Variants in ATG10 observed in about 807,000 individuals in gnomAD.
The protein encoded by ATG10 is ubiquitin-like-conjugating enzyme ATG10.
In ATG10, 30 loss-of-function variants were observed where a neutral mutation model predicts 32.1. The ratio of observed to expected loss-of-function variants is 0.94; its 90% confidence interval spans 0.70 to 1.27. ATG10 has a LOEUF of 1.27. ATG10 is among the 50% of genes most tolerant of loss of function. The pLI is 0.00. For synonymous variants in ATG10, 87 were observed against 91.5 expected, an observed-to-expected ratio of 0.95 and a Z score of 0.28; for missense variants, 233 against 262.3, an observed-to-expected ratio of 0.89 and a Z score of 0.77.
At chr5:82,020,085 T>C (rs898253415) in intron 2 of ATG10, among the ~76,000 whole-genome samples, 13 of 152,172 alleles carry the variant, frequency 8.5e-5, no homozygotes, top group African/African-American at 2.9e-4. Flanking sequence ...TGGAGAGATA[T>C]TGACAACCAG....
chr5:81,993,368 CTT>C (rs757489564), intron 2 of ATG10, among the ~76,000 whole-genome samples: 493 of 41,690 alleles, frequency 0.012, 30 homozygotes, highest in East Asian at 0.063. Flanking sequence ...TCCTTCTTTT[CTT>C]TTCTTTTCTT....
chr5:82,054,810 G>A (rs1311640398), intron 2 of ATG10, among the ~76,000 whole-genome samples: 2 of 152,186 alleles, frequency 1.3e-5, no homozygotes, highest in Non-Finnish European at 2.9e-5. Flanking sequence ...CTTAGAGGAT[G>A]GAGGCCTAGG....
intron 3 of ATG10, among the ~76,000 whole-genome samples, chr5:82,114,639 T>C (rs975084789): frequency 6.6e-6 from 1 of 152,044 alleles, no homozygotes; most frequent in African/African-American, 2.4e-5. Context: ...GCTGTTGGTC[T>C]CCCTTCTTGA....
At chr5:82,113,744 A>T (rs1765690321) in intron 3 of ATG10, among the ~76,000 whole-genome samples, 2 of 152,010 alleles carry the variant, frequency 1.3e-5, no homozygotes, top group African/African-American at 4.8e-5. Flanking sequence ...TTGTTTGATT[A>T]TCAGTGAAGC....
At chr5:82,071,667 G>C (rs1214049650) in intron 3 of ATG10, among the ~76,000 whole-genome samples, 3 of 152,106 alleles carry the variant, frequency 2.0e-5, no homozygotes, top group African/African-American at 7.2e-5. Context: ...GTGGTGGGAA[G>C]CAAGAGGGGC....
chr5:82,242,352 A>T (rs1323027234), intron 5 of ATG10, among the ~76,000 whole-genome samples: 1 of 152,134 alleles, frequency 6.6e-6, no homozygotes, highest in Non-Finnish European at 1.5e-5. Flanking sequence ...AGAAATAGTA[A>T]ATATGATAAC....
intron 5 of ATG10, among the ~76,000 whole-genome samples, chr5:82,226,731 G>A (rs1746148660): frequency 6.6e-6 from 1 of 152,140 alleles, no homozygotes; most frequent in Non-Finnish European, 1.5e-5. Context: ...TAATAGAAAT[G>A]CAAATAAAGA....
At chr5:82,087,615 G>T (rs1255041119) in intron 3 of ATG10, among the ~76,000 whole-genome samples, 2 of 152,068 alleles carry the variant, frequency 1.3e-5, no homozygotes, top group Non-Finnish European at 2.9e-5. Flanking sequence ...TGATATAGTG[G>T]TGAACCTGAC....
At chr5:82,161,333 G>T (rs1432023164) in intron 3 of ATG10, among the ~76,000 whole-genome samples, 1 of 152,146 alleles carries the variant, frequency 6.6e-6, no homozygotes, top group Non-Finnish European at 1.5e-5. Flanking sequence ...TCAGCTGCCA[G>T]TGAGAACAGT....
chr5:81,995,513 G>T (rs1304385280), intron 2 of ATG10, among the ~76,000 whole-genome samples: 1 of 151,984 alleles, frequency 6.6e-6, no homozygotes, highest in African/African-American at 2.4e-5. Flanking sequence ...TATCAATCGA[G>T]GCAAAAGATT....
At chr5:82,150,115 A>G (rs1031009574) in intron 3 of ATG10, among the ~76,000 whole-genome samples, 1 of 152,134 alleles carries the variant, frequency 6.6e-6, no homozygotes, top group African/African-American at 2.4e-5. Flanking sequence ...CTCTAAAAAC[A>G]TCTGCTCAGT....
intron 5 of ATG10, among the ~76,000 whole-genome samples, chr5:82,248,452 A>G (rs1240280804): frequency 6.6e-6 from 1 of 152,152 alleles, no homozygotes; most frequent in Non-Finnish European, 1.5e-5. Context: ...GTCTGGGGAC[A>G]TTGGGGAAGA....
At chr5:82,001,250 A>G (rs924036131) in intron 2 of ATG10, among the ~76,000 whole-genome samples, 8 of 152,178 alleles carry the variant, frequency 5.3e-5, no homozygotes, top group Non-Finnish European at 8.8e-5. Flanking sequence ...TCAGTCTACT[A>G]TCTTCCTATC....
intron 2 of ATG10, among the ~76,000 whole-genome samples, chr5:82,027,101 A>AATAT (rs1279120095): frequency 4.6e-5 from 7 of 151,630 alleles, no homozygotes; most frequent in African/African-American, 1.5e-4. Context: ...TAAATAAATA[A>AATAT]ATAAATAAAT....
chr5:81,983,399 G>A (rs1761127911), intron 1 of ATG10, among the ~76,000 whole-genome samples: 1 of 145,912 alleles, frequency 6.9e-6, no homozygotes, highest in South Asian at 2.2e-4. Flanking sequence ...GGGGTGGCTG[G>A]CCAGGCGGGG....
intron 2 of ATG10, among the ~76,000 whole-genome samples, chr5:82,003,405 C>T (rs1712591015): frequency 6.6e-6 from 1 of 152,106 alleles, no homozygotes; most frequent in Non-Finnish European, 1.5e-5. Flanking sequence ...TGTACAAACT[C>T]CAGGTCTGAG....
intron 5 of ATG10, among the ~76,000 whole-genome samples, chr5:82,202,371 G>A (rs1332333314): frequency 2.0e-5 from 3 of 152,180 alleles, no homozygotes; most frequent in Non-Finnish European, 4.4e-5. Flanking sequence ...CCTCCCCTGA[G>A]CAAGAAGGAA....
chr5:82,195,034 A>G (rs1209273264), intron 5 of ATG10, among the ~76,000 whole-genome samples: 1 of 152,168 alleles, frequency 6.6e-6, no homozygotes, highest in Admixed American at 6.5e-5. Flanking sequence ...GCTTATTCAC[A>G]GTCTGCTTTC....
intron 3 of ATG10, among the ~76,000 whole-genome samples, chr5:82,139,545 G>C (rs545879094): frequency 6.7e-6 from 1 of 150,018 alleles, no homozygotes; most frequent in Admixed American, 6.6e-5. Flanking sequence ...CCCCGTCTGG[G>C]AGGTGAGGAG....
Sources: gnomAD v4.1 joint callset for allele counts (sites outside exome capture counted in the v4.1 genomes callset) on GRCh38, gnomAD v4.1.1 for gene constraint, MANE v1.5 for transcripts, NCBI Gene and HGNC (gene_info 2026-07-23, HGNC 2026-07-21) for gene names.